RANBP2: variants seen among roughly 807,000 people sequenced by gnomAD.
RANBP2 encodes RAN binding protein 2, also known as E3 SUMO-protein ligase RanBP2.
A neutral mutation model predicts 303.6 loss-of-function variants in RANBP2; 57 were observed. That is an observed-to-expected ratio of 0.19 (90% CI 0.15 to 0.23). The LOEUF (loss-of-function observed/expected upper bound fraction) is 0.23, where lower values mean the gene tolerates loss of function less well. Among genes scored for constraint, RANBP2 ranks in the 10% least tolerant of loss-of-function variants. RANBP2 has a pLI of 1.00. For missense variants in RANBP2, 3,138 were observed against 3,780.8 expected (o/e 0.83, Z 4.46); for synonymous variants, 1,167 against 1,301.5 (o/e 0.90, Z 2.23).
chr2:109,268,775 G>T, the RANBP2 span, among the ~76,000 whole-genome samples: 2 of 151,688 alleles, frequency 1.3e-5, no homozygotes, highest in Non-Finnish European at 2.9e-5. Context: ...TGATGATGTC[G>T]CCTACTATAG....
the RANBP2 span, among the ~76,000 whole-genome samples, chr2:109,006,934 C>G: frequency 3.9e-5 from 6 of 152,150 alleles, no homozygotes; most frequent in African/African-American, 1.4e-4. Flanking sequence ...AATTTGATTA[C>G]TTTGGAAAAC....
At chr2:109,342,257 T>G in the RANBP2 span, among the ~76,000 whole-genome samples, 5 of 152,200 alleles carry the variant, frequency 3.3e-5, no homozygotes, top group Non-Finnish European at 7.3e-5. Flanking sequence ...TTGGGCAACA[T>G]GGACTGTGAA....
At chr2:109,081,991 G>A in the RANBP2 span, among the ~76,000 whole-genome samples, 1 of 152,212 alleles carries the variant, frequency 6.6e-6, no homozygotes, top group Admixed American at 6.5e-5. Flanking sequence ...CTGGCTTTGT[G>A]TGGGGCATGC....
At chr2:108,907,723 G>T in the RANBP2 span, 1 of 980,604 alleles carries the variant, frequency 1.0e-6, no homozygotes, top group Non-Finnish European at 1.6e-6. Flanking sequence ...ACTTGTCACT[G>T]TCCAGGTCTC....
At chr2:108,856,315 G>C in the RANBP2 span, among the ~76,000 whole-genome samples, 1 of 151,962 alleles carries the variant, frequency 6.6e-6, no homozygotes, top group African/African-American at 2.4e-5. Context: ...TCTTGTTTCA[G>C]CTTTACTAGG....
chr2:108,977,993 CG>C, the RANBP2 span, among the ~76,000 whole-genome samples: 1 of 152,222 alleles, frequency 6.6e-6, no homozygotes, highest in East Asian at 1.9e-4. Flanking sequence ...CTTCTATTCT[CG>C]TAGAGGAACT....
At position 108,762,244 on chromosome 2, in the gene RANBP2, G is replaced by A. The variant is rs1676783285; in HGVS notation, c.2697+49G>A. On this transcript the variant is annotated intron_variant, in intron 19 of 28. Transcript: ENST00000283195. Reference sequence around the variant, plus strand: ...TTTATAATTATTTCCTTTTTAAATTGTTTAGGGTTCCTTCAAATAAATTCA... The same window carrying A: ...TTTATAATTATTTCCTTTTTAAATTATTTAGGGTTCCTTCAAATAAATTCA... 1.0e-5 allele frequency: 15 copies of A among 1,477,680 alleles called. No individual in the cohort carries two copies. The East Asian group carries it at 3.7e-4, about 36-fold the overall frequency. The allele number at this position is 1,477,680 out of a possible 1,614,324, so 91.5% of individuals were successfully genotyped here.
the RANBP2 span, among the ~76,000 whole-genome samples, chr2:109,630,577 T>C: frequency 6.6e-6 from 1 of 152,340 alleles, no homozygotes; most frequent in Non-Finnish European, 1.5e-5. Context: ...GTGTCTGCTG[T>C]GTGGCCTGTG....
chr2:109,268,742 TA>T, the RANBP2 span, among the ~76,000 whole-genome samples: 47,179 of 150,034 alleles, frequency 0.31, 7,756 homozygotes, highest in East Asian at 0.49. Context: ...TACTTTATTA[TA>T]AAAAAAAAAA....
chr2:109,048,149 A>T, the RANBP2 span, among the ~76,000 whole-genome samples: 10 of 152,326 alleles, frequency 6.6e-5, no homozygotes, highest in Non-Finnish European at 1.2e-4. Context: ...ATACTTAGAA[A>T]TTCTGTGTGA....
At chr2:109,765,968 G>A in the RANBP2 span, among the ~76,000 whole-genome samples, 1 of 150,270 alleles carries the variant, frequency 6.7e-6, no homozygotes, top group African/African-American at 2.4e-5. Context: ...ACATTTTAAG[G>A]CCTATTCCTA....
the RANBP2 span, among the ~76,000 whole-genome samples, chr2:108,930,557 C>T: frequency 6.6e-6 from 1 of 152,118 alleles, no homozygotes; most frequent in African/African-American, 2.4e-5. Flanking sequence ...GGAGGAGGCG[C>T]CCCTGTCCCC....
the RANBP2 span, chr2:109,419,684 C>G: frequency 1.3e-6 from 2 of 1,531,380 alleles, no homozygotes; most frequent in South Asian, 1.2e-5. Flanking sequence ...GTGCCTGCAG[C>G]CCTCCCTCCT....
At chr2:109,638,354 T>C in the RANBP2 span, among the ~76,000 whole-genome samples, 1 of 152,210 alleles carries the variant, frequency 6.6e-6, no homozygotes, top group South Asian at 2.1e-4. Flanking sequence ...TAGTTTCAAA[T>C]GAGGCATAAC....
At chr2:109,311,868 A>C in the RANBP2 span, among the ~76,000 whole-genome samples, 1 of 152,066 alleles carries the variant, frequency 6.6e-6, no homozygotes, top group South Asian at 2.1e-4. Context: ...TTAAAGTTTG[A>C]AGTTGTTTTC....
At chr2:109,552,056 G>C in the RANBP2 span, among the ~76,000 whole-genome samples, 1 of 152,224 alleles carries the variant, frequency 6.6e-6, no homozygotes, top group Non-Finnish European at 1.5e-5. Context: ...CCTACTGTCA[G>C]ATCAGTGGTG....
chr2:109,596,781 T>A, the RANBP2 span, among the ~76,000 whole-genome samples: 1 of 152,220 alleles, frequency 6.6e-6, no homozygotes, highest in Non-Finnish European at 1.5e-5. Flanking sequence ...AAAGCCTACT[T>A]AAAATCTCAG....
the RANBP2 span, chr2:109,501,474 G>C: frequency 2.6e-6 from 2 of 767,216 alleles, no homozygotes; most frequent in South Asian, 1.4e-5. Context: ...TTGTCTGTGT[G>C]GGGCTCACCC....
the RANBP2 span, among the ~76,000 whole-genome samples, chr2:109,654,181 C>A: frequency 6.6e-6 from 1 of 151,938 alleles, no homozygotes; most frequent in East Asian, 1.9e-4. Context: ...ATCCAAATGT[C>A]CCCATCTCAA....
Sources: gnomAD v4.1 joint callset for allele counts (sites outside exome capture counted in the v4.1 genomes callset) on GRCh38, gnomAD v4.1.1 for gene constraint, MANE v1.5 for transcripts, NCBI Gene and HGNC (gene_info 2026-07-23, HGNC 2026-07-21) for gene names.